The following SYNPR variants were observed in gnomAD, a reference collection of about 807,000 sequenced individuals.
The protein encoded by SYNPR is synaptoporin.
Under a neutral mutation model 32.9 loss-of-function variants are expected in SYNPR, and 23 were observed. The ratio of observed to expected loss-of-function variants is 0.70; its 90% confidence interval spans 0.50 to 0.99. The LOEUF is 0.99. SYNPR is among the 50% of genes least tolerant of loss of function. The pLI, the probability that SYNPR is intolerant of heterozygous loss-of-function variation, is 0.00. For synonymous variants in SYNPR, 146 were observed against 135.9 expected, an observed-to-expected ratio of 1.07 and a Z score of -0.52; for missense variants, 318 against 349.3, an observed-to-expected ratio of 0.91 and a Z score of 0.71.
chr3:63,601,161 A>G (rs949389646), intron 4 of SYNPR, among the ~76,000 whole-genome samples: 2 of 151,986 alleles, frequency 1.3e-5, no homozygotes, highest in African/African-American at 4.8e-5. Context: ...AATCTCAGCT[A>G]CTTGGGAAGG....
At chr3:63,386,166 C>T (rs776809737) in intron 2 of SYNPR, among the ~76,000 whole-genome samples, 23 of 152,196 alleles carry the variant, frequency 1.5e-4, no homozygotes, top group Non-Finnish European at 2.8e-4. Flanking sequence ...GCATCACACC[C>T]TCCTCACAAC....
At chr3:63,458,634 C>T (rs1247881172) in intron 2 of SYNPR, among the ~76,000 whole-genome samples, 3 of 152,022 alleles carry the variant, frequency 2.0e-5, no homozygotes, top group Non-Finnish European at 4.4e-5. Context: ...AGTCACAAGC[C>T]CATCCCAGAT....
At chr3:63,397,593 T>C (rs751972098) in intron 2 of SYNPR, among the ~76,000 whole-genome samples, 3 of 152,200 alleles carry the variant, frequency 2.0e-5, no homozygotes, top group Non-Finnish European at 4.4e-5. Context: ...CCTGAGGTCT[T>C]ACTCGCTCTG....
intron 2 of SYNPR, among the ~76,000 whole-genome samples, chr3:63,416,776 T>TC (rs1560224389): frequency 7.3e-5 from 11 of 150,652 alleles, no homozygotes; most frequent in African/African-American, 2.0e-4. Flanking sequence ...TGCAGGAAAA[T>TC]TCCCCCCTGT....
At chr3:63,367,980 G>T (rs1278822836) in intron 2 of SYNPR, among the ~76,000 whole-genome samples, 1 of 152,124 alleles carries the variant, frequency 6.6e-6, no homozygotes, top group Non-Finnish European at 1.5e-5. Context: ...GAAATTAGGG[G>T]CATAGGATCA....
intron 3 of SYNPR, among the ~76,000 whole-genome samples, chr3:63,484,638 A>G (rs1701110451): frequency 8.3e-6 from 1 of 121,196 alleles, no homozygotes; most frequent in Non-Finnish European, 1.8e-5. Flanking sequence ...ACACTGTGCT[A>G]GATACCTTGA....
chr3:63,552,466 G>C (rs1702519687), intron 3 of SYNPR, among the ~76,000 whole-genome samples: 1 of 152,112 alleles, frequency 6.6e-6, no homozygotes, highest in Non-Finnish European at 1.5e-5. Flanking sequence ...TGTTGGAGCT[G>C]TACACATTTA....
chr3:63,247,436 T>C (rs2086301001), intron 1 of SYNPR, among the ~76,000 whole-genome samples: 1 of 152,010 alleles, frequency 6.6e-6, no homozygotes, highest in South Asian at 2.1e-4. Context: ...GACTTACTTC[T>C]GGTAAGGATA....
At chr3:63,415,277 T>C (rs976583850) in intron 2 of SYNPR, among the ~76,000 whole-genome samples, 6 of 152,230 alleles carry the variant, frequency 3.9e-5, no homozygotes, top group African/African-American at 7.2e-5. Flanking sequence ...CCAATCATGC[T>C]GATAGCATTT....
chr3:63,599,635 C>A (rs1204665239), intron 4 of SYNPR, among the ~76,000 whole-genome samples: 1 of 152,070 alleles, frequency 6.6e-6, no homozygotes, highest in African/African-American at 2.4e-5. Context: ...AGAACGTATC[C>A]CTGTCGGTTA....
intron 2 of SYNPR, among the ~76,000 whole-genome samples, chr3:63,336,012 G>C (rs2087289808): frequency 6.6e-6 from 1 of 151,920 alleles, no homozygotes; most frequent in Non-Finnish European, 1.5e-5. Context: ...CTAACCTCAG[G>C]TGATCCGCCT....
At chr3:63,451,199 G>A (rs1700375410) in intron 2 of SYNPR, among the ~76,000 whole-genome samples, 1 of 152,100 alleles carries the variant, frequency 6.6e-6, no homozygotes, top group African/African-American at 2.4e-5. Flanking sequence ...AACTGTGCAG[G>A]CCTGGACAAT....
At chr3:63,598,799 G>A (rs902264115) in intron 4 of SYNPR, among the ~76,000 whole-genome samples, 1 of 152,150 alleles carries the variant, frequency 6.6e-6, no homozygotes, top group Non-Finnish European at 1.5e-5. Flanking sequence ...AAAGTGAGCA[G>A]AAAAGGTCTT....
chr3:63,384,096 G>T (rs576885763), intron 2 of SYNPR, among the ~76,000 whole-genome samples: 7 of 152,172 alleles, frequency 4.6e-5, no homozygotes, highest in Non-Finnish European at 8.8e-5. Context: ...TCAATTTGAG[G>T]GCAGCCAATG....
chr3:63,419,230 G>A (rs2088577510), intron 2 of SYNPR, among the ~76,000 whole-genome samples: 1 of 152,194 alleles, frequency 6.6e-6, no homozygotes, highest in Non-Finnish European at 1.5e-5. Flanking sequence ...TTCTAGGCCT[G>A]GCCTTGCCTT....
chr3:63,305,978 T>A (rs1464295473), intron 2 of SYNPR, among the ~76,000 whole-genome samples: 1 of 151,978 alleles, frequency 6.6e-6, no homozygotes, highest in African/African-American at 2.4e-5. Flanking sequence ...TCCACCACAA[T>A]CTCTGCATTT....
intron 3 of SYNPR, among the ~76,000 whole-genome samples, chr3:63,538,004 G>C (rs761808149): frequency 7.9e-5 from 12 of 152,006 alleles, no homozygotes; most frequent in Non-Finnish European, 1.5e-4. Flanking sequence ...AGGACATACA[G>C]CCTCTGGTGG....
At chr3:63,589,293 A>G (rs1311366159) in intron 4 of SYNPR, among the ~76,000 whole-genome samples, 1 of 152,110 alleles carries the variant, frequency 6.6e-6, no homozygotes, top group African/African-American at 2.4e-5. Context: ...CAAAACACCA[A>G]GGACTTTTCC....
At chr3:63,230,481 C>T (rs565812124) in intron 1 of SYNPR, among the ~76,000 whole-genome samples, 73 of 152,236 alleles carry the variant, frequency 4.8e-4, no homozygotes, top group Non-Finnish European at 9.4e-4. Flanking sequence ...AGCACCTTAA[C>T]CTTAAAGAGA....
Sources: gnomAD v4.1 joint callset for allele counts (sites outside exome capture counted in the v4.1 genomes callset) on GRCh38, gnomAD v4.1.1 for gene constraint, MANE v1.5 for transcripts, NCBI Gene and HGNC (gene_info 2026-07-23, HGNC 2026-07-21) for gene names.